Variants in AGAP1 observed in about 807,000 individuals in gnomAD.
AGAP1 encodes the protein arf-GAP with GTPase, ANK repeat and PH domain-containing protein 1.
Under a neutral mutation model 105.3 loss-of-function variants are expected in AGAP1, and 29 were observed. The ratio of observed to expected loss-of-function variants is 0.28; its 90% confidence interval spans 0.21 to 0.38. AGAP1 has a LOEUF of 0.38. Among genes scored for constraint, AGAP1 ranks in the 10% least tolerant of loss-of-function variants. The pLI is 1.00. For synonymous variants in AGAP1, 509 were observed against 485.9 expected (o/e 1.05, Z -0.63); for missense variants, 998 against 1,165.1 (o/e 0.86, Z 2.09).
At chr2:235,945,062 C>T (rs1435893462) in intron 12 of AGAP1, among the ~76,000 whole-genome samples, 1 of 152,190 alleles carries the variant, frequency 6.6e-6, no homozygotes, top group South Asian at 2.1e-4. Context: ...AAGAACTTTT[C>T]TCTTTTCCTA....
In AGAP1 at chr2:236,005,293, G is replaced by T. The variant is rs375977926; in HGVS notation, c.1646-31268G>T. ...CCCAAATAGCTGGGACTACAGGAGT[G>T]TGCCACCGGCTAATTTTTTTTATTT... On this transcript the variant is annotated intron_variant, in intron 13 of 17. Coordinates refer to ENST00000304032, the MANE Select transcript of AGAP1 (RefSeq NM_001037131.3). This position sits in a 1 kb window ranked among gnomAD's most constrained non-coding sequence, Gnocchi z 4.1. 6.6e-6 allele frequency among the ~76,000 whole-genome samples: 1 copy of T among 152,006 alleles called. No individual in the cohort carries two copies. The highest frequency in any genetic ancestry group is 1.5e-5 in the Non-Finnish European group (1 of 68,012).
chr2:235,561,721 C>A (rs1041586364), intron 1 of AGAP1, among the ~76,000 whole-genome samples: 2 of 152,124 alleles, frequency 1.3e-5, no homozygotes, highest in African/African-American at 4.8e-5. Flanking sequence ...CCATTACATA[C>A]CTTTTGTGGA....
chr2:235,572,589 G>A (rs188079724), intron 1 of AGAP1, among the ~76,000 whole-genome samples: 1 of 152,248 alleles, frequency 6.6e-6, no homozygotes, highest in Non-Finnish European at 1.5e-5. Flanking sequence ...CCCTCCTATA[G>A]GGGCTTCCTG....
At chr2:235,943,279 G>C (rs113846160) in intron 12 of AGAP1, among the ~76,000 whole-genome samples, 1 of 151,686 alleles carries the variant, frequency 6.6e-6, no homozygotes, top group African/African-American at 2.4e-5. Flanking sequence ...AATAACATTG[G>C]TCAAATCTTT....
Position 235,573,023 on chromosome 2 carries a change from T to TTCTTC in AGAP1, c.163+78174_163+78175insTCTTC, listed in dbSNP as rs1559258640. Among the ~76,000 whole-genome samples the TTCTTC allele has an allele frequency of 6.3e-3, 130 of 20,568 alleles. 23 individuals carry two copies. In the East Asian group the frequency reaches 0.21, roughly 33 times the overall value. The allele number at this position is 20,568 out of a possible 152,430, so 13.5% of individuals were successfully genotyped here. A position where few individuals can be genotyped will look rare whatever the true frequency, so the allele number is the denominator to read the frequency against. On this transcript the variant is annotated intron_variant, in intron 1 of 17. Transcript: ENST00000304032. ...TTCTTCTTCTTCTTCTTCTTCTTCT[T>TTCTTC]CTTCTTCTTCTTCTTCTTCTTCTTC...
In AGAP1 at chr2:235,599,880, G is replaced by A. The variant is rs566427955; in HGVS notation, c.163+105031G>A. On this transcript the variant is annotated intron_variant, in intron 1 of 17. Coordinates refer to ENST00000304032, the MANE Select transcript of AGAP1 (RefSeq NM_001037131.3). The surrounding 1 kb of genome is among the most constrained non-coding windows in gnomAD (Gnocchi z 5.3). ...AGGCAATGCTGGTACCCACGACGTG[G>A]AGCCCTGAAGGATGAGGAAAATAAT... 6.7e-4 allele frequency among the ~76,000 whole-genome samples: 102 copies of A among 152,326 alleles called. No homozygotes were observed. Among genetic ancestry groups the A allele is most frequent in the Non-Finnish European group, 1.3e-3 (86 of 68,034 alleles).
intron 6 of AGAP1, among the ~76,000 whole-genome samples, chr2:235,778,220 T>C (rs902848420): frequency 2.0e-5 from 3 of 152,228 alleles, no homozygotes; most frequent in African/African-American, 7.2e-5. Flanking sequence ...TATTGGTTCA[T>C]GTACCTTGTA....
rs986419895 is a variant in AGAP1, at chr2:236,044,776, C to T, written c.1891+3935C>T. On this transcript the variant is annotated intron_variant, in intron 15 of 17. Coordinates refer to ENST00000304032, the MANE Select transcript of AGAP1 (RefSeq NM_001037131.3). This position sits in a 1 kb window ranked among gnomAD's most constrained non-coding sequence, Gnocchi z 5.7. The stretch of plus-strand genomic sequence containing the variant: ...ACCTCCAGGTTTGAAATCACACACA[C>T]ACACACACACACATCCCTACTCCCT... Among the ~76,000 whole-genome samples, 3 of 152,072 alleles carry T rather than the reference C, an allele frequency of 2.0e-5. No individual in the cohort carries two copies. The highest frequency in any genetic ancestry group is 7.2e-5 in the African/African-American group (3 of 41,408).
At chr2:236,069,872 C>T (rs2058452288) in intron 16 of AGAP1, among the ~76,000 whole-genome samples, 1 of 152,218 alleles carries the variant, frequency 6.6e-6, no homozygotes, top group African/African-American at 2.4e-5. Context: ...TCTTTATTTT[C>T]TAATTTTCTG....
chr2:236,007,990 C>T (rs2056380470), intron 13 of AGAP1, among the ~76,000 whole-genome samples: 1 of 152,236 alleles, frequency 6.6e-6, no homozygotes, highest in Non-Finnish European at 1.5e-5. Flanking sequence ...CTCCACACGT[C>T]ATTTGGTTTT....
At chr2:235,975,500 G>C (rs1014396041) in intron 13 of AGAP1, among the ~76,000 whole-genome samples, 2 of 152,154 alleles carry the variant, frequency 1.3e-5, no homozygotes, top group African/African-American at 4.8e-5. Context: ...TGCTTGTTTT[G>C]TTATTTAGAA....
At chr2:235,643,457 A>AAAAAAAAAAG (rs1553595203) in intron 1 of AGAP1, among the ~76,000 whole-genome samples, 26 of 140,464 alleles carry the variant, frequency 1.9e-4, no homozygotes, top group African/African-American at 7.0e-4. Flanking sequence ...AAAAAAAAAA[A>AAAAAAAAAAG]AAAGAAAGAA....
rs775063979 is a variant in AGAP1, at chr2:235,754,466, G to C, written c.673+3978G>C. 6.6e-6 allele frequency among the ~76,000 whole-genome samples: 1 copy of C among 151,594 alleles called. No individual in the cohort carries two copies. The highest frequency in any genetic ancestry group is 1.5e-5 in the Non-Finnish European group (1 of 68,004). ...AATCCAGCTGCTTCCATTGCCCTGCGGAGGCCATGTTCCTGATTGGCTCTG... is the reference window on the plus strand; with the variant it reads ...AATCCAGCTGCTTCCATTGCCCTGCCGAGGCCATGTTCCTGATTGGCTCTG... On this transcript the variant is annotated intron_variant, in intron 6 of 17. Transcript: ENST00000304032. The surrounding 1 kb of genome is among the most constrained non-coding windows in gnomAD (Gnocchi z 4.6).
chr2:235,636,052 G>A (rs1179862443), intron 1 of AGAP1, among the ~76,000 whole-genome samples: 1 of 152,062 alleles, frequency 6.6e-6, no homozygotes, highest in Non-Finnish European at 1.5e-5. Context: ...GGTGGAGGTT[G>A]CAGTGAGCCG....
At chr2:235,661,376 T>C (rs946395684) in intron 1 of AGAP1, among the ~76,000 whole-genome samples, 5 of 152,052 alleles carry the variant, frequency 3.3e-5, no homozygotes, top group Admixed American at 2.6e-4. Flanking sequence ...CAGGGTCCAT[T>C]TGCCAACTCT....
chr2:235,748,174 G>A (rs963198174), intron 5 of AGAP1, among the ~76,000 whole-genome samples: 9 of 152,242 alleles, frequency 5.9e-5, no homozygotes, highest in Non-Finnish European at 8.8e-5. Flanking sequence ...ACCGAAATGC[G>A]AGTGCAGAAG....
At position 235,754,040 on chromosome 2, in the gene AGAP1, TGAA is replaced by T. The variant is rs1266263869; in HGVS notation, c.673+3556_673+3558del. On this transcript the variant is annotated intron_variant, in intron 6 of 17. Coordinates refer to ENST00000304032, the MANE Select transcript of AGAP1 (RefSeq NM_001037131.3). The surrounding 1 kb of genome is among the most constrained non-coding windows in gnomAD (Gnocchi z 4.6). ...AAACATTGTAAGGTTTATATAAAGT[TGAA>T]GAAATTGAGGCTCAGAGAAATGACA... is the stretch of plus-strand genomic sequence containing the variant. Among the ~76,000 whole-genome samples, 1 of 152,168 alleles carries T rather than the reference TGAA, an allele frequency of 6.6e-6. No homozygotes were observed. The highest frequency in any genetic ancestry group is 2.4e-5 in the African/African-American group (1 of 41,442).
At chr2:235,539,606 G>A (rs1943367249) in intron 1 of AGAP1, among the ~76,000 whole-genome samples, 1 of 152,184 alleles carries the variant, frequency 6.6e-6, no homozygotes, top group South Asian at 2.1e-4. Context: ...AGACCCAGGT[G>A]TGAGGTGGTG....
Position 236,010,680 on chromosome 2 carries a change from C to T in AGAP1, c.1646-25881C>T, listed in dbSNP as rs114621908. On this transcript the variant is annotated intron_variant, in intron 13 of 17. Transcript: ENST00000304032. ...ATCTCTCTTTGTAATTCAAAGACTG[C>T]CTCATGAATTCAGTTTGCTAACGCC... Among the ~76,000 whole-genome samples the T allele has an allele frequency of 8.5e-3, 1,290 of 152,272 alleles. 17 individuals carry two copies. Among genetic ancestry groups the T allele is most frequent in the African/African-American group, 0.029 (1,190 of 41,558 alleles).
Sources: gnomAD v4.1 joint callset for allele counts (sites outside exome capture counted in the v4.1 genomes callset) on GRCh38, gnomAD v4.1.1 for gene constraint, Gnocchi (gnomAD v3.1) non-coding constraint, MANE v1.5 for transcripts, NCBI Gene and HGNC (gene_info 2026-07-23, HGNC 2026-07-21) for gene names.